The following PLA2R1 variants were observed in gnomAD, a reference collection of about 807,000 sequenced individuals.
The protein encoded by PLA2R1 is phospholipase A2 receptor 1.
A neutral mutation model predicts 195.9 loss-of-function variants in PLA2R1; 158 were observed. The ratio of observed to expected loss-of-function variants is 0.81; its 90% CI spans 0.71 to 0.92. The LOEUF is 0.92. Among genes scored for constraint, PLA2R1 ranks in the 40% least tolerant of loss-of-function variants. PLA2R1 has a pLI of 0.00. For synonymous variants in PLA2R1, 586 were observed against 598.2 expected (o/e 0.98, Z 0.30); for missense variants, 1,626 against 1,764.6 (o/e 0.92, Z 1.41).
rs752357931 is a variant in PLA2R1, at chr2:160,022,737, C to A, written c.1222G>T (p.Ala408Ser). 41 of 1,613,810 alleles carry A rather than the reference C, an allele frequency of 2.5e-5. No homozygotes were observed. The highest frequency in any genetic ancestry group is 3.5e-5 in the Non-Finnish European group (41 of 1,179,720). ...ATGTCTATTAATGCACTGTTATCAG[C>A]CTGACAAGAACGCAGAGCCTCATGC... is the stretch of plus-strand genomic sequence containing the variant. ...TWHEALRSCQADNSALIDITS... is the reference protein window; with the variant it reads ...TWHEALRSCQSDNSALIDITS... The change falls in exon 7 of 30, where the codon GCT (alanine) becomes TCT (serine). Residue 408 changes from alanine to serine, a missense_variant. Ala to Ser is a moderately conservative substitution (Grantham distance 99). Transcript: ENST00000283243.
chr2:160,052,227 C>A (rs538748547), intron 1 of PLA2R1, among the ~76,000 whole-genome samples: 16 of 152,338 alleles, frequency 1.1e-4, no homozygotes, highest in African/African-American at 3.4e-4. Context: ...TGAAACCCAG[C>A]ATAATCAGTG....
At chr2:159,931,794 T>TA (rs1686600701), downstream of PLA2R1, among the ~76,000 whole-genome samples, 1 of 152,092 alleles carries the variant, frequency 6.6e-6, no homozygotes, top group Non-Finnish European at 1.5e-5. Context: ...ACTTTATGCA[T>TA]AAAACCAACA....
At chr2:160,052,498 A>G (rs1695273306) in intron 1 of PLA2R1, among the ~76,000 whole-genome samples, 1 of 152,240 alleles carries the variant, frequency 6.6e-6, no homozygotes, top group African/African-American at 2.4e-5. Context: ...CTTTTAGTCT[A>G]TTCTCCCATT....
chr2:159,944,125 T>G (rs1372709484), intron 28 of PLA2R1, among the ~76,000 whole-genome samples: 1 of 152,162 alleles, frequency 6.6e-6, no homozygotes, highest in East Asian at 1.9e-4. Context: ...CCATCCAATT[T>G]TATTCCCATC....
chr2:159,927,231 T>C (rs1201458319), downstream of PLA2R1, among the ~76,000 whole-genome samples: 2 of 152,220 alleles, frequency 1.3e-5, no homozygotes, highest in African/African-American at 4.8e-5. Flanking sequence ...CTCAATGATC[T>C]TCTAGTTCCC....
chr2:159,951,641 C>G (rs1158624350), intron 23 of PLA2R1, 63 bp from the exon 24 acceptor site: 2 of 825,136 alleles, frequency 2.4e-6, no homozygotes, highest in African/African-American at 3.3e-5. Context: ...AGAGGCAAAG[C>G]TTAGCATAGA....
intron 10 of PLA2R1, among the ~76,000 whole-genome samples, chr2:160,012,812 T>C (rs1692455869): frequency 6.6e-6 from 1 of 152,074 alleles, no homozygotes; most frequent in Non-Finnish European, 1.5e-5. Context: ...CTCATGGGGC[T>C]GAGGCAAGAT....
Position 160,028,211 on chromosome 2 carries a change from C to A in PLA2R1, c.1099+7G>T. 6.4e-7 allele frequency: 1 copy of A among 1,565,408 alleles called. No homozygotes were observed. The highest frequency in any genetic ancestry group is 8.6e-7 in the Non-Finnish European group (1 of 1,156,426). On this transcript the variant is annotated splice_region_variant and intron_variant, in intron 6 of 29. Coordinates refer to ENST00000283243, the MANE Select transcript of PLA2R1 (RefSeq NM_007366.5). ...ACCTAAGAACAACTTAAAATAAAAA[C>A]GCTTACCAACTATTTCATGATCAAT...
chr2:159,987,052 T>C (rs891711815), intron 12 of PLA2R1, 104 bp downstream of exon 12: 2 of 802,226 alleles, frequency 2.5e-6, no homozygotes, highest in Non-Finnish European at 4.2e-6. Flanking sequence ...TCAGGCACTG[T>C]TCTGGAAAAA....
chr2:159,924,749 C>T, the PLA2R1 span, among the ~76,000 whole-genome samples: 1 of 148,610 alleles, frequency 6.7e-6, no homozygotes, highest in African/African-American at 2.5e-5. Context: ...GCGGTGCGAA[C>T]AAAAATAAAA....
intron 12 of PLA2R1, among the ~76,000 whole-genome samples, chr2:159,985,890 C>T (rs1054069952): frequency 1.3e-5 from 2 of 152,048 alleles, no homozygotes; most frequent in East Asian, 1.9e-4. Context: ...AAGAGTGCAA[C>T]GTCCTGAGAT....
chr2:160,043,945 T>C (rs1354387856), intron 2 of PLA2R1, among the ~76,000 whole-genome samples: 1 of 152,174 alleles, frequency 6.6e-6, no homozygotes, highest in East Asian at 1.9e-4. Context: ...GCTCCACCTG[T>C]CCTGTGGACC....
rs779353207 is a variant in PLA2R1 at position 159,979,929 on chromosome 2, A to C, written c.2184-15T>G. 1.3e-6 allele frequency: 2 copies of C among 1,499,388 alleles called. No homozygotes were observed. The highest frequency in any genetic ancestry group is 9.2e-7 in the Non-Finnish European group (1 of 1,083,974). The allele number at this position is 1,499,388 out of a possible 1,614,324, so 92.9% of individuals were successfully genotyped here. The stretch of plus-strand genomic sequence containing the variant: ...TTTCTTCTGTCCTGTAAAGAGAAGA[A>C]ACAAAAGCTTTGCCTTTCCCATCAA... On this transcript the variant is annotated splice_polypyrimidine_tract_variant and intron_variant, in intron 13 of 29. Transcript: ENST00000283243.
intron 8 of PLA2R1, among the ~76,000 whole-genome samples, chr2:160,018,633 AAAAC>A (rs59379239): frequency 0.015 from 2,282 of 150,618 alleles, 31 homozygotes; most frequent in African/African-American, 0.033. Context: ...CTCTGTCTCA[AAAAC>A]AAACAAACAA....
intron 9 of PLA2R1, among the ~76,000 whole-genome samples, chr2:160,016,049 A>G: frequency 6.6e-6 from 1 of 152,156 alleles, no homozygotes; most frequent in Non-Finnish European, 1.5e-5. Context: ...AGATCACTTG[A>G]GGTCAGGAGT....
At chr2:159,991,428 G>A (rs886186726) in intron 11 of PLA2R1, among the ~76,000 whole-genome samples, 5 of 144,312 alleles carry the variant, frequency 3.5e-5, no homozygotes, top group Non-Finnish European at 6.0e-5. Flanking sequence ...AAAGTGCAGG[G>A]CACTTTCTTT....
chr2:160,011,822 G>A (rs950099404), intron 10 of PLA2R1, among the ~76,000 whole-genome samples: 2 of 152,132 alleles, frequency 1.3e-5, no homozygotes, highest in Non-Finnish European at 2.9e-5. Context: ...GAGGAGAAAG[G>A]TAGAACTAAA....
downstream of PLA2R1, among the ~76,000 whole-genome samples, chr2:159,930,059 A>G (rs1450580615): frequency 6.6e-6 from 1 of 152,154 alleles, no homozygotes; most frequent in African/African-American, 2.4e-5. Flanking sequence ...TAAGAATGAT[A>G]TGATGGACTT....
chr2:160,057,496 C>T (rs1168688077), intron 1 of PLA2R1, among the ~76,000 whole-genome samples: 1 of 152,226 alleles, frequency 6.6e-6, no homozygotes, highest in African/African-American at 2.4e-5. Flanking sequence ...GGCCTTTGCA[C>T]ATGAAATACA....
Sources: gnomAD v4.1 joint callset for allele counts (sites outside exome capture counted in the v4.1 genomes callset) on GRCh38, gnomAD v4.1.1 for gene constraint, MANE v1.5 for transcripts, NCBI Gene and HGNC (gene_info 2026-07-23, HGNC 2026-07-21) for gene names.